ABI3BP: variants seen among roughly 807,000 people sequenced by gnomAD.
The protein encoded by ABI3BP is target of Nesh-SH3.
Under a neutral mutation model 268.6 loss-of-function variants are expected in ABI3BP, and 216 were observed. The observed-to-expected ratio is 0.80, with a 90% CI of 0.72 to 0.90. ABI3BP has a LOEUF of 0.90. Ranked by LOEUF, ABI3BP falls within the 40% of genes least tolerant of loss-of-function variation. ABI3BP has a pLI of 0.00. For synonymous variants in ABI3BP, 730 were observed against 730.0 expected (o/e 1.00, Z 0.00); for missense variants, 2,090 against 2,182.4 (o/e 0.96, Z 0.84).
chr3:100,780,228 A>G lies in ABI3BP; in HGVS notation c.4163-19T>C, dbSNP rs1442308292. The G allele has an allele frequency of 3.1e-6, 5 of 1,608,948 alleles. No homozygotes were observed. The African/African-American group carries it at 6.7e-5, about 22-fold the overall frequency. ...TTGACCCCTATGAGCAGAGATAATG[A>G]AAGGGAATAAACATATAGCAAAAAT... is the stretch of plus-strand genomic sequence containing the variant. On this transcript the variant is annotated intron_variant, in intron 57 of 67. Transcript: ENST00000471714.
intron 63 of ABI3BP, among the ~76,000 whole-genome samples, chr3:100,758,120 C>A (rs540425212): frequency 9.5e-4 from 143 of 150,432 alleles, no homozygotes; most frequent in Admixed American, 2.2e-3. Context: ...AAAAAAAAAA[C>A]AATCTTCCCC....
intron 50 of ABI3BP, among the ~76,000 whole-genome samples, chr3:100,807,209 T>C (rs2097734826): frequency 6.6e-6 from 1 of 151,994 alleles, no homozygotes; most frequent in Non-Finnish European, 1.5e-5. Flanking sequence ...CCTATTATAA[T>C]AACAAATTTA....
At chr3:100,820,468 A>G (rs1236396023) in intron 39 of ABI3BP, among the ~76,000 whole-genome samples, 165 bp from the exon 40 acceptor site, 1 of 126,104 alleles carries the variant, frequency 7.9e-6, no homozygotes, top group African/African-American at 2.5e-5. Flanking sequence ...ACAATTGAAG[A>G]AAGTTGATTG....
intron 1 of ABI3BP, among the ~76,000 whole-genome samples, chr3:100,962,670 C>A (rs533928280): frequency 2.6e-5 from 4 of 152,300 alleles, no homozygotes; most frequent in African/African-American, 9.6e-5. Flanking sequence ...GCATTTGACA[C>A]TTTTGATCAC....
intron 14 of ABI3BP, among the ~76,000 whole-genome samples, chr3:100,853,407 A>G (rs1434267719): frequency 1.3e-5 from 2 of 152,226 alleles, no homozygotes; most frequent in African/African-American, 4.8e-5. Flanking sequence ...ATTTTCAGCC[A>G]ATTTCAAGTC....
At chr3:100,787,662 T>A (rs1577684789) in intron 57 of ABI3BP, 66 bp downstream of exon 57, 1 of 1,270,238 alleles carries the variant, frequency 7.9e-7, no homozygotes, top group Non-Finnish European at 1.1e-6. Flanking sequence ...TTCAGCAATA[T>A]CATGAAAATT....
intron 4 of ABI3BP, among the ~76,000 whole-genome samples, chr3:100,895,012 T>C (rs2047011525): frequency 7.2e-6 from 1 of 138,762 alleles, no homozygotes; most frequent in African/African-American, 2.7e-5. Context: ...AATGCGAAAG[T>C]GATTTCTAAA....
In ABI3BP at chr3:100,897,368, C is replaced by T. The variant is rs529991422; in HGVS notation, c.461+1394G>A. Among the ~76,000 whole-genome samples, 11 of 151,736 alleles carry T rather than the reference C, an allele frequency of 7.2e-5. No homozygotes were observed. In the South Asian group the frequency reaches 8.3e-4, roughly 11 times the overall value. On this transcript the variant is annotated intron_variant, in intron 4 of 67. Transcript: ENST00000471714. The stretch of plus-strand genomic sequence containing the variant: ...TTAAAATGTCCACCAAAATTTTATG[C>T]GAAAATGTTTATACAGTCTGTATTC...
chr3:100,897,563 C>T (rs1478072426), intron 4 of ABI3BP, among the ~76,000 whole-genome samples: 1 of 152,146 alleles, frequency 6.6e-6, no homozygotes, highest in Non-Finnish European at 1.5e-5. Context: ...AGTCAGAAAA[C>T]CCATACTATA....
chr3:100,889,149 A>C (rs754612072), intron 4 of ABI3BP, among the ~76,000 whole-genome samples: 2 of 152,130 alleles, frequency 1.3e-5, no homozygotes, highest in Non-Finnish European at 2.9e-5. Flanking sequence ...GAAGCCAAAC[A>C]CAATAAATTT....
At chr3:100,814,688 T>C (rs2097964631) in intron 44 of ABI3BP, among the ~76,000 whole-genome samples, 1 of 152,140 alleles carries the variant, frequency 6.6e-6, no homozygotes, top group Non-Finnish European at 1.5e-5. Flanking sequence ...CCTCTGTTCC[T>C]TATTCCACCC....
At chr3:100,910,488 C>A (rs909597349) in intron 2 of ABI3BP, among the ~76,000 whole-genome samples, 1 of 151,982 alleles carries the variant, frequency 6.6e-6, no homozygotes, top group Non-Finnish European at 1.5e-5. Context: ...ATACAAATTT[C>A]TTTCTACATT....
At chr3:100,843,090 A>C (rs902066899) in intron 20 of ABI3BP, among the ~76,000 whole-genome samples, 1 of 152,206 alleles carries the variant, frequency 6.6e-6, no homozygotes, top group African/African-American at 2.4e-5. Flanking sequence ...GTAGCAACTA[A>C]CAACAACTAC....
chr3:100,752,884 G>T lies in ABI3BP; in HGVS notation c.5025C>A (p.Gly1675=). ...FNSDSYSECK[G]KQYVKRTWYK... is the part of the protein sequence containing the mutation. ...ACCATGTCCTTTTGACATATTGTTT[G>T]CCCTTACACTCTGAGTAAGAGTCTG... is the stretch of plus-strand genomic sequence containing the variant. Residue 1675 remains glycine (G), a synonymous_variant, in exon 66 of 68, where the codon GGC becomes GGA. Coordinates refer to ENST00000471714, the MANE Select transcript of ABI3BP (RefSeq NM_001375547.2). 1 of 1,613,376 alleles carries T rather than the reference G, an allele frequency of 6.2e-7. No homozygotes were observed. Among genetic ancestry groups the T allele is most frequent in the African/African-American group, 1.3e-5 (1 of 74,996 alleles).
intron 1 of ABI3BP, among the ~76,000 whole-genome samples, chr3:100,977,941 T>G (rs1576214607): frequency 6.6e-6 from 1 of 152,168 alleles, no homozygotes; most frequent in Non-Finnish European, 1.5e-5. Context: ...ATGGTAGTAA[T>G]TCTTCCAGCC....
intron 1 of ABI3BP, among the ~76,000 whole-genome samples, chr3:100,966,631 A>G (rs903376451): frequency 3.3e-5 from 5 of 152,240 alleles, no homozygotes; most frequent in Non-Finnish European, 7.3e-5. Flanking sequence ...ATAGTTTCTT[A>G]CTTCATTAAA....
intron 34 of ABI3BP, among the ~76,000 whole-genome samples, chr3:100,827,674 C>A (rs555389321): frequency 2.6e-5 from 4 of 152,032 alleles, no homozygotes; most frequent in Non-Finnish European, 5.9e-5. Flanking sequence ...ACTTTATCTT[C>A]TTCTGTTATT....
intron 48 of ABI3BP, among the ~76,000 whole-genome samples, chr3:100,810,912 C>G (rs990966759): frequency 6.6e-6 from 1 of 151,950 alleles, no homozygotes; most frequent in African/African-American, 2.4e-5. Flanking sequence ...GATCATCGCA[C>G]CAAAAAAGCA....
intron 57 of ABI3BP, among the ~76,000 whole-genome samples, chr3:100,783,460 A>G (rs1436374340): frequency 6.6e-6 from 1 of 152,180 alleles, no homozygotes; most frequent in Non-Finnish European, 1.5e-5. Flanking sequence ...CTTTCAATAA[A>G]TGTTGGTTGA....
Sources: allele counts gnomAD v4.1 joint callset (sites outside exome capture counted in the v4.1 genomes callset), GRCh38; gene constraint gnomAD v4.1.1; transcripts MANE v1.5; gene names NCBI Gene and HGNC (gene_info 2026-07-23, HGNC 2026-07-21).